DAB1: variants seen among roughly 807,000 people sequenced by gnomAD.
The protein encoded by DAB1 is disabled homolog 1.
In DAB1, 15 loss-of-function variants were observed where a neutral mutation model predicts 64.6. That is an observed-to-expected ratio of 0.23 (90% CI 0.16 to 0.36). DAB1 has a LOEUF of 0.36. Ranked by LOEUF, DAB1 falls within the 10% of genes least tolerant of loss-of-function variation. The probability of loss-of-function intolerance (pLI) is 1.00; values close to 1 mark genes in which losing one functional copy is unlikely to be tolerated. For missense variants in DAB1, 596 were observed against 706.7 expected, an observed-to-expected ratio of 0.84 and a Z score of 1.78; for synonymous variants, 235 against 251.9, an observed-to-expected ratio of 0.93 and a Z score of 0.64.
chr1:58,130,638 T>C (rs1262739461), intron 5 of DAB1, among the ~76,000 whole-genome samples: 2 of 152,060 alleles, frequency 1.3e-5, no homozygotes, highest in Non-Finnish European at 2.9e-5. Flanking sequence ...CAGGAGCTCT[T>C]GTAAGGCAGG....
chr1:57,570,835 G>A (rs767380018), intron 7 of DAB1, among the ~76,000 whole-genome samples: 3 of 152,124 alleles, frequency 2.0e-5, no homozygotes, highest in Admixed American at 1.3e-4. Flanking sequence ...ATGAGCATGG[G>A]ATGTGTTTTC....
At chr1:57,796,018 G>C (rs1003849864) in intron 6 of DAB1, among the ~76,000 whole-genome samples, 1 of 151,360 alleles carries the variant, frequency 6.6e-6, no homozygotes, top group Non-Finnish European at 1.5e-5. Context: ...TGCACGCTGT[G>C]GTAAATTTAA....
chr1:57,070,960 A>C (rs746312877), intron 7 of DAB1, 63 bp downstream of exon 7: 21 of 1,412,720 alleles, frequency 1.5e-5, no homozygotes, highest in Non-Finnish European at 1.1e-5. Flanking sequence ...TTTCTGACAA[A>C]ATGGCTCTGG....
intron 3 of DAB1, among the ~76,000 whole-genome samples, chr1:58,500,936 A>G (rs1456116010): frequency 6.6e-6 from 1 of 152,226 alleles, no homozygotes; most frequent in Non-Finnish European, 1.5e-5. Flanking sequence ...TCTTTCAACG[A>G]CAAATTATAA....
intron 7 of DAB1, among the ~76,000 whole-genome samples, chr1:57,535,470 C>CTTT (rs11358277): frequency 5.4e-5 from 7 of 130,492 alleles, no homozygotes; most frequent in South Asian, 2.5e-4. Context: ...GTTGGACATT[C>CTTT]TTTTTTTTTT....
intron 5 of DAB1, among the ~76,000 whole-genome samples, chr1:58,113,296 G>C (rs1187345899): frequency 6.6e-6 from 1 of 152,112 alleles, no homozygotes; most frequent in African/African-American, 2.4e-5. Flanking sequence ...AGGGTGCGTG[G>C]GAGAGGGACA....
intron 5 of DAB1, among the ~76,000 whole-genome samples, chr1:58,085,474 C>T (rs1267209542): frequency 6.6e-6 from 1 of 151,988 alleles, no homozygotes; most frequent in East Asian, 1.9e-4. Context: ...CTCAAACAAT[C>T]CTCCTGACAG....
chr1:57,300,374 T>G (rs1037810485), intron 1 of DAB1, among the ~76,000 whole-genome samples: 1 of 152,200 alleles, frequency 6.6e-6, no homozygotes, highest in African/African-American at 2.4e-5. Flanking sequence ...GGATAGGCAC[T>G]GCCTCAACCT....
chr1:58,192,380 T>C (rs1657433936), intron 4 of DAB1, among the ~76,000 whole-genome samples: 1 of 152,220 alleles, frequency 6.6e-6, no homozygotes. Flanking sequence ...TAGTGAACAC[T>C]GCAAACAATA....
chr1:57,268,193 C>A (rs1315606612), intron 2 of DAB1, among the ~76,000 whole-genome samples: 1 of 152,090 alleles, frequency 6.6e-6, no homozygotes, highest in African/African-American at 2.4e-5. Flanking sequence ...CGGTGTGCAC[C>A]CGGAGTGCAG....
rs543422866 is a variant in DAB1, at chr1:57,023,726, G to A, written c.787-87C>T. 360 of 822,082 alleles carry A rather than the reference G, an allele frequency of 4.4e-4. 5 individuals carry two copies. The South Asian group carries it at 4.6e-3, about 11-fold the overall frequency. 50.9% of individuals were successfully genotyped at this position (822,082 alleles called of 1,614,324 possible). A position where few individuals can be genotyped will look rare whatever the true frequency, so the allele number is the denominator to read the frequency against. On this transcript the variant is annotated intron_variant, in intron 10 of 14. Coordinates refer to ENST00000371236, the MANE Select transcript of DAB1 (RefSeq NM_001365792.1). ...AGGTAGCAGATGCAGGAATTAAGGC[G>A]CAGGGGAAGGGGTCCACAGTTCAAG...
At chr1:57,086,864 G>A (rs1217797817) in intron 4 of DAB1, among the ~76,000 whole-genome samples, 8 of 152,158 alleles carry the variant, frequency 5.3e-5, no homozygotes, top group African/African-American at 7.2e-5. Flanking sequence ...GAGTGAGCAC[G>A]TGTGTCAGTG....
intron 3 of DAB1, among the ~76,000 whole-genome samples, chr1:58,442,108 CTTTA>C (rs894189738): frequency 1.2e-4 from 18 of 152,116 alleles, no homozygotes; most frequent in African/African-American, 3.9e-4. Flanking sequence ...TTTCATTCTG[CTTTA>C]TTTATTGTGT....
intron 1 of DAB1, among the ~76,000 whole-genome samples, chr1:57,356,831 C>T (rs1182431281): frequency 2.0e-5 from 3 of 151,972 alleles, no homozygotes; most frequent in South Asian, 2.1e-4. Flanking sequence ...AACTGCCTCT[C>T]GCAATAGACC....
At chr1:57,673,258 T>A (rs891219976) in intron 6 of DAB1, among the ~76,000 whole-genome samples, 5 of 152,224 alleles carry the variant, frequency 3.3e-5, no homozygotes, top group African/African-American at 7.2e-5. Context: ...AGGGCTCTAC[T>A]CTTCCTAAGG....
rs566765692 is a variant in DAB1 at position 57,753,852 on chromosome 1, T to C, written n.552-104187A>G. 4.6e-5 allele frequency among the ~76,000 whole-genome samples: 7 copies of C among 152,348 alleles called. No homozygotes were observed. In the South Asian group the frequency reaches 6.2e-4, roughly 14 times the overall value. ...CATTTGAACCTGGATCTTCCAATGT[T>C]AGAAGTGCAACTTTTTTTACTTCCA... On this transcript the variant is annotated intron_variant and non_coding_transcript_variant, in intron 6 of 20. Transcript: ENST00000485760.
chr1:58,120,487 T>C (rs573642492), intron 5 of DAB1, among the ~76,000 whole-genome samples: 1 of 152,166 alleles, frequency 6.6e-6, no homozygotes, highest in Non-Finnish European at 1.5e-5. Context: ...TTTCCACACC[T>C]GTACATGGGA....
chr1:58,286,579 A>C (rs1270393475), intron 4 of DAB1, among the ~76,000 whole-genome samples: 1 of 152,230 alleles, frequency 6.6e-6, no homozygotes, highest in Non-Finnish European at 1.5e-5. Flanking sequence ...GATCAACATC[A>C]CTGACTATTA....
intron 6 of DAB1, among the ~76,000 whole-genome samples, chr1:57,789,593 G>A (rs982808410): frequency 3.9e-5 from 6 of 152,168 alleles, no homozygotes; most frequent in Admixed American, 2.0e-4. Flanking sequence ...GCTGTCTGGT[G>A]TCTCTTCTTA....
Sources: allele counts gnomAD v4.1 joint callset (sites outside exome capture counted in the v4.1 genomes callset), GRCh38; gene constraint gnomAD v4.1.1; transcripts MANE v1.5; gene names NCBI Gene and HGNC (gene_info 2026-07-23, HGNC 2026-07-21).